The following KCNU1 variants were observed in gnomAD, a reference collection of about 807,000 sequenced individuals.
KCNU1 encodes potassium channel subfamily U member 1.
A neutral mutation model predicts 126.8 loss-of-function variants in KCNU1; 93 were observed. That is an observed-to-expected ratio of 0.73 (90% CI 0.62 to 0.87). KCNU1 has a LOEUF of 0.87. Among genes scored for constraint, KCNU1 ranks in the 40% least tolerant of loss-of-function variants. KCNU1 has a pLI of 0.00. For synonymous variants in KCNU1, 523 were observed against 494.2 expected (o/e 1.06, Z -0.77); for missense variants, 1,330 against 1,367.1 (o/e 0.97, Z 0.43).
At chr8:36,922,412 C>T in intron 23 of KCNU1, 78 bp from the exon 24 acceptor site, 1 of 1,468,504 alleles carries the variant, frequency 6.8e-7, no homozygotes, top group South Asian at 1.3e-5. Context: ...AGTGGTCGCC[C>T]CTTGGCCTGC....
chr8:36,907,335 T>C (rs1291601168), intron 20 of KCNU1, among the ~76,000 whole-genome samples: 2 of 152,176 alleles, frequency 1.3e-5, no homozygotes, highest in East Asian at 3.9e-4. Context: ...CCACAGTTTC[T>C]TGGAGAAATT....
chr8:36,821,116 T>C (rs1804108544), intron 10 of KCNU1, among the ~76,000 whole-genome samples: 1 of 152,094 alleles, frequency 6.6e-6, no homozygotes, highest in Non-Finnish European at 1.5e-5. Context: ...GAGCCCAATT[T>C]AGCACACACA....
At chr8:36,816,537 A>G (rs536080366) in intron 9 of KCNU1, among the ~76,000 whole-genome samples, 2 of 152,322 alleles carry the variant, frequency 1.3e-5, no homozygotes, top group African/African-American at 4.8e-5. Flanking sequence ...TGAACAAAAG[A>G]TAAATAATGA....
At chr8:36,818,513 A>G (rs577905664) in intron 10 of KCNU1, among the ~76,000 whole-genome samples, 1 of 151,936 alleles carries the variant, frequency 6.6e-6, no homozygotes, top group African/African-American at 2.4e-5. Context: ...TTTTATTTTC[A>G]TACAGAAGTG....
At chr8:36,892,713 T>C (rs1807015507) in intron 19 of KCNU1, among the ~76,000 whole-genome samples, 1 of 152,116 alleles carries the variant, frequency 6.6e-6, no homozygotes, top group South Asian at 2.1e-4. Context: ...AGTCTTCTTA[T>C]ATTTGCCAAG....
Position 36,909,341 on chromosome 8 carries a change from C to G in KCNU1, c.2137C>G (p.Arg713Gly). Reference sequence around the variant, plus strand: ...AACTGGCAAGTCAAAGTATAAGTTTCGGAACCATATTGTAGCATGTGTATT... The same window carrying G: ...AACTGGCAAGTCAAAGTATAAGTTTGGGAACCATATTGTAGCATGTGTATT... ...KRTGKSKYKF[R>G]NHIVACVFGD... Residue 713 changes from arginine to glycine, a missense_variant, in exon 21 of 27, where the codon CGG becomes GGG. Around this residue, in one of 3 missense-constraint regions of KCNU1, gnomAD observed 1,054 missense variants for 1,053.9 expected, o/e 1.00. Coordinates refer to ENST00000399881, the MANE Select transcript of KCNU1 (RefSeq NM_001031836.3). The G allele has an allele frequency of 6.2e-7, 1 of 1,613,438 alleles. No homozygotes were observed. The highest frequency in any genetic ancestry group is 8.5e-7 in the Non-Finnish European group (1 of 1,179,488).
intron 2 of KCNU1, among the ~76,000 whole-genome samples, chr8:36,789,362 T>TA (rs577015345): frequency 0.016 from 2,364 of 144,582 alleles, 52 homozygotes; most frequent in African/African-American, 0.05. Flanking sequence ...AGACCCCATC[T>TA]AAAAAAAAAA....
chr8:36,864,578 T>C (rs1280116390), intron 19 of KCNU1, 57 bp downstream of exon 19: 4 of 934,964 alleles, frequency 4.3e-6, no homozygotes, highest in Non-Finnish European at 7.1e-6. Context: ...CAGTGGGCCA[T>C]ATATATTGTA....
At chr8:36,824,862 C>T (rs1469702783) in intron 10 of KCNU1, among the ~76,000 whole-genome samples, 3 of 152,038 alleles carry the variant, frequency 2.0e-5, no homozygotes, top group Non-Finnish European at 4.4e-5. Flanking sequence ...TCTATGAATA[C>T]ACCACAATTT....
intron 8 of KCNU1, among the ~76,000 whole-genome samples, chr8:36,814,914 C>CCCAT (rs1411826394): frequency 6.6e-6 from 1 of 152,174 alleles, no homozygotes; most frequent in Non-Finnish European, 1.5e-5. Context: ...TTGATATCTA[C>CCCAT]CCATCCACGG....
chr8:36,811,884 A>C (rs1340189287), intron 7 of KCNU1, among the ~76,000 whole-genome samples: 1 of 151,940 alleles, frequency 6.6e-6, no homozygotes, highest in Non-Finnish European at 1.5e-5. Flanking sequence ...CTGGCTAATG[A>C]AACCTCATCT....
chr8:36,858,138 T>C (rs1490922253), intron 18 of KCNU1, among the ~76,000 whole-genome samples: 1 of 137,880 alleles, frequency 7.3e-6, no homozygotes, highest in Admixed American at 8.0e-5. Context: ...TGAATCTTTG[T>C]ACTTCCCCTT....
chr8:36,904,891 T>C (rs10101717), intron 19 of KCNU1, among the ~76,000 whole-genome samples: 52,303 of 151,980 alleles, frequency 0.34, 9,682 homozygotes, highest in Admixed American at 0.42. Flanking sequence ...CTGTGTTGTG[T>C]CAGGCCCTGG....
At chr8:36,824,694 A>G (rs997990979) in intron 10 of KCNU1, among the ~76,000 whole-genome samples, 6 of 152,076 alleles carry the variant, frequency 3.9e-5, no homozygotes, top group African/African-American at 4.8e-5. Flanking sequence ...CTTATCTTCT[A>G]TGTTTATTTA....
intron 19 of KCNU1, among the ~76,000 whole-genome samples, chr8:36,896,593 A>G (rs1041392846): frequency 6.6e-6 from 1 of 152,050 alleles, no homozygotes; most frequent in Non-Finnish European, 1.5e-5. Flanking sequence ...GATCTTTAAG[A>G]CATCTAAAAT....
intron 19 of KCNU1, chr8:36,888,472 C>A: frequency 2.1e-6 from 1 of 487,542 alleles, no homozygotes; most frequent in Non-Finnish European, 4.2e-6. Context: ...CTCCCTTCAG[C>A]CCCATCACGA....
At chr8:36,864,645 C>T in intron 19 of KCNU1, 124 bp downstream of exon 19, 1 of 638,564 alleles carries the variant, frequency 1.6e-6, no homozygotes, top group Non-Finnish European at 2.8e-6. Context: ...AATTGTTCCT[C>T]CCCAAAATGA....
At chr8:36,844,588 T>C (rs961873001) in intron 16 of KCNU1, among the ~76,000 whole-genome samples, 1 of 152,234 alleles carries the variant, frequency 6.6e-6, no homozygotes, top group African/African-American at 2.4e-5. Flanking sequence ...AACACAGCTA[T>C]ATAGCCTGGG....
chr8:36,907,067 T>G (rs1644818624), intron 20 of KCNU1, among the ~76,000 whole-genome samples: 1 of 152,176 alleles, frequency 6.6e-6, no homozygotes, highest in South Asian at 2.1e-4. Context: ...ATACTTGATA[T>G]GGAATATAGT....
Sources: allele counts gnomAD v4.1 joint callset (sites outside exome capture counted in the v4.1 genomes callset), GRCh38; gene constraint gnomAD v4.1.1; regional missense constraint gnomAD v4.1.1; transcripts MANE v1.5; gene names NCBI Gene and HGNC (gene_info 2026-07-23, HGNC 2026-07-21).